Variants in RPS6KC1 observed in about 807,000 individuals in gnomAD.
RPS6KC1 encodes ribosomal protein S6 kinase C1.
Under a neutral mutation model 103.8 loss-of-function variants are expected in RPS6KC1, and 54 were observed. That is an observed-to-expected ratio of 0.52 (90% confidence interval 0.42 to 0.65). RPS6KC1 has a LOEUF of 0.65. Ranked by LOEUF, RPS6KC1 falls within the 30% of genes least tolerant of loss-of-function variation. The pLI is 0.00. For synonymous variants in RPS6KC1, 439 were observed against 438.7 expected (o/e 1.00, Z -0.01); for missense variants, 1,151 against 1,253.8 (o/e 0.92, Z 1.24).
At chr1:213,614,026 G>A in the RPS6KC1 span, among the ~76,000 whole-genome samples, 23 of 152,344 alleles carry the variant, frequency 1.5e-4, no homozygotes, top group Non-Finnish European at 3.4e-4. Flanking sequence ...CGACCAGTGA[G>A]GTTCTGTTTG....
At chr1:213,604,484 G>T in the RPS6KC1 span, among the ~76,000 whole-genome samples, 1 of 152,248 alleles carries the variant, frequency 6.6e-6, no homozygotes, top group Non-Finnish European at 1.5e-5. Flanking sequence ...GCCTGTTCTT[G>T]TAACTGGGCT....
intron 3 of RPS6KC1, among the ~76,000 whole-genome samples, chr1:213,078,251 T>G (rs2079533142): frequency 7.0e-6 from 1 of 143,396 alleles, no homozygotes; most frequent in Non-Finnish European, 1.5e-5. Flanking sequence ...TTTTTTTGCC[T>G]CATCAGTTTT....
rs141359668 is a variant in RPS6KC1 at position 213,206,918 on chromosome 1, G to A, written c.1045-23579G>A. On this transcript the variant is annotated intron_variant, in intron 8 of 14. Transcript: ENST00000366960. ...ACGAGGTCAGGAGTTTGAGACCAGC[G>A]TGGCCAGCATGGTGAAACCCTGTCT... Among the ~76,000 whole-genome samples the A allele has an allele frequency of 8.1e-3, 1,226 of 152,142 alleles. 15 individuals carry two copies. Among genetic ancestry groups the A allele is most frequent in the African/African-American group, 0.026 (1,069 of 41,506 alleles).
At chr1:213,707,822 T>G in the RPS6KC1 span, among the ~76,000 whole-genome samples, 1 of 152,246 alleles carries the variant, frequency 6.6e-6, no homozygotes, top group African/African-American at 2.4e-5. Flanking sequence ...TACTTGTTTT[T>G]GTCAGATTTG....
chr1:213,165,622 A>G (rs1486260829), intron 6 of RPS6KC1, among the ~76,000 whole-genome samples: 2 of 151,960 alleles, frequency 1.3e-5, no homozygotes, highest in Non-Finnish European at 2.9e-5. Flanking sequence ...ACGGGGTTTC[A>G]CCATGTTAGC....
At chr1:213,245,296 G>T (rs749028364) in intron 12 of RPS6KC1, among the ~76,000 whole-genome samples, 1 of 151,956 alleles carries the variant, frequency 6.6e-6, no homozygotes, top group Non-Finnish European at 1.5e-5. Context: ...TAACTACATG[G>T]GTCATAGATT....
chr1:213,347,770 C>T, the RPS6KC1 span, among the ~76,000 whole-genome samples: 10,009 of 152,068 alleles, frequency 0.066, 454 homozygotes, highest in Middle Eastern at 0.11. Context: ...TTCAAATCAA[C>T]AGAAGAAAAA....
the RPS6KC1 span, among the ~76,000 whole-genome samples, chr1:213,545,199 C>G: frequency 6.6e-6 from 1 of 151,768 alleles, no homozygotes; most frequent in African/African-American, 2.4e-5. Context: ...AAACCCAGCT[C>G]TATGAAAAAT....
chr1:213,260,647 T>G (rs1007340064), intron 12 of RPS6KC1, among the ~76,000 whole-genome samples: 27 of 140,406 alleles, frequency 1.9e-4, no homozygotes, highest in Middle Eastern at 3.8e-3. Context: ...AATAGTAGGG[T>G]TTTTTTTTTT....
the RPS6KC1 span, among the ~76,000 whole-genome samples, chr1:213,852,031 T>G: frequency 6.6e-5 from 10 of 152,202 alleles, no homozygotes; most frequent in African/African-American, 2.4e-4. Flanking sequence ...ACCTCTGGGC[T>G]TTCTTTCCCA....
chr1:213,318,528 C>T, the RPS6KC1 span, among the ~76,000 whole-genome samples: 8 of 152,304 alleles, frequency 5.3e-5, no homozygotes, highest in South Asian at 1.7e-3. Flanking sequence ...TGTTGAGTTT[C>T]CTACTATGTG....
At chr1:213,489,991 A>C in the RPS6KC1 span, among the ~76,000 whole-genome samples, 1 of 152,158 alleles carries the variant, frequency 6.6e-6, no homozygotes, top group African/African-American at 2.4e-5. Context: ...GTTTATTTCC[A>C]GGATAAGAGT....
chr1:213,607,589 A>G, the RPS6KC1 span, among the ~76,000 whole-genome samples: 1 of 151,840 alleles, frequency 6.6e-6, no homozygotes, highest in African/African-American at 2.4e-5. Flanking sequence ...TGTGTATTAT[A>G]TGGGAGAAAG....
chr1:213,258,911 T>C (rs1215927415), intron 12 of RPS6KC1, among the ~76,000 whole-genome samples: 1 of 152,162 alleles, frequency 6.6e-6, no homozygotes, highest in African/African-American at 2.4e-5. Flanking sequence ...ATATGTACTT[T>C]GAAAGAGAGC....
chr1:213,756,875 TA>T, the RPS6KC1 span, among the ~76,000 whole-genome samples: 1 of 152,046 alleles, frequency 6.6e-6, no homozygotes, highest in Admixed American at 6.6e-5. Context: ...CCCCCCAAAG[TA>T]CTGGTATAAT....
At chr1:213,149,248 C>T (rs956093843) in intron 6 of RPS6KC1, among the ~76,000 whole-genome samples, 1 of 151,838 alleles carries the variant, frequency 6.6e-6, no homozygotes, top group Admixed American at 6.6e-5. Context: ...GTAAGATGCT[C>T]ATTTGAAGTT....
At chr1:213,622,719 C>T in the RPS6KC1 span, among the ~76,000 whole-genome samples, 2 of 152,240 alleles carry the variant, frequency 1.3e-5, no homozygotes, top group South Asian at 4.1e-4. Flanking sequence ...CTAGAAGGGA[C>T]GGGGCTGGGA....
intron 6 of RPS6KC1, 152 bp downstream of exon 6, chr1:213,130,041 C>T: frequency 1.5e-6 from 1 of 668,680 alleles, no homozygotes; most frequent in Non-Finnish European, 2.3e-6. Flanking sequence ...TGGATATATA[C>T]TTTAAGTTCC....
At chr1:213,412,790 T>C in the RPS6KC1 span, among the ~76,000 whole-genome samples, 3 of 152,218 alleles carry the variant, frequency 2.0e-5, no homozygotes, top group South Asian at 2.1e-4. Flanking sequence ...TGGCTGCTTC[T>C]CTGTTATTCC....
Sources: gnomAD v4.1 joint callset for allele counts (sites outside exome capture counted in the v4.1 genomes callset) on GRCh38, gnomAD v4.1.1 for gene constraint, MANE v1.5 for transcripts, NCBI Gene and HGNC (gene_info 2026-07-23, HGNC 2026-07-21) for gene names.